The following GRIN2A variants were observed in gnomAD, a reference collection of about 807,000 sequenced individuals.
GRIN2A encodes glutamate ionotropic receptor NMDA type subunit 2A.
GRIN2A carries 22 observed loss-of-function variants against 113.4 expected under a neutral mutation model. The ratio of observed to expected loss-of-function variants is 0.19; its 90% CI spans 0.14 to 0.28. The LOEUF (loss-of-function observed/expected upper bound fraction) is 0.28, where lower values mean the gene tolerates loss of function less well. Among genes scored for constraint, GRIN2A ranks in the 10% least tolerant of loss-of-function variants. GRIN2A has a pLI of 1.00. For missense variants in GRIN2A, 1,502 were observed against 1,887.0 expected (o/e 0.80, Z 3.78); for synonymous variants, 827 against 738.4 (o/e 1.12, Z -1.94).
At chr16:10,120,272 C>T (rs2048808660) in intron 2 of GRIN2A, among the ~76,000 whole-genome samples, 1 of 152,166 alleles carries the variant, frequency 6.6e-6, no homozygotes, top group Admixed American at 6.5e-5. Context: ...CTGCTACCTG[C>T]ATTTAGTGGG....
At chr16:9,816,877 T>A (rs959724084) in intron 10 of GRIN2A, among the ~76,000 whole-genome samples, 1 of 152,204 alleles carries the variant, frequency 6.6e-6, no homozygotes, top group Admixed American at 6.5e-5. Flanking sequence ...ACTCAGGCTA[T>A]GCTTGAGAAG....
chr16:10,113,874 G>A (rs977558455), intron 2 of GRIN2A, among the ~76,000 whole-genome samples: 1 of 152,144 alleles, frequency 6.6e-6, no homozygotes, highest in East Asian at 1.9e-4. Flanking sequence ...ACTATTTCAT[G>A]ACCTTGAGGA....
intron 9 of GRIN2A, among the ~76,000 whole-genome samples, chr16:9,829,053 C>A (rs2042438978): frequency 6.6e-6 from 1 of 152,130 alleles, no homozygotes; most frequent in Non-Finnish European, 1.5e-5. Flanking sequence ...ACCCCAATTT[C>A]TTCTCATCCA....
At chr16:10,111,566 A>G (rs2048614943) in intron 2 of GRIN2A, 4 of 839,158 alleles carry the variant, frequency 4.8e-6, no homozygotes, top group African/African-American at 1.7e-5. Context: ...ATCATGCTGA[A>G]GACACCACTG....
At chr16:10,104,303 C>T (rs9924590) in intron 2 of GRIN2A, among the ~76,000 whole-genome samples, 61,561 of 151,952 alleles carry the variant, frequency 0.41, 12,623 homozygotes, top group East Asian at 0.46. Context: ...TGGATATGAA[C>T]ACTATGTAGA....
rs1341155416 is a variant in GRIN2A, at chr16:9,887,596, TTC to T, written c.1122+3388_1122+3389del. On this transcript the variant is annotated intron_variant, in intron 4 of 12. Transcript: ENST00000330684. ...TCCTTGTTGATGGACATTGAATTAT[TTC>T]TGATGTTTTGCTATAATGAATAAAG... Among the ~76,000 whole-genome samples the T allele has an allele frequency of 8.5e-5, 13 of 152,376 alleles. No homozygotes were observed. The South Asian group carries it at 2.3e-3, about 27-fold the overall frequency.
intron 2 of GRIN2A, among the ~76,000 whole-genome samples, chr16:10,104,413 C>G (rs117708020): frequency 2.0e-4 from 31 of 152,016 alleles, no homozygotes; most frequent in African/African-American, 7.0e-4. Flanking sequence ...TGGAGGAGGA[C>G]CAGTTTGAAG....
chr16:9,960,051 G>A (rs1596364044), intron 2 of GRIN2A, among the ~76,000 whole-genome samples: 1 of 152,202 alleles, frequency 6.6e-6, no homozygotes, highest in African/African-American at 2.4e-5. Context: ...CAATATTAAA[G>A]GCAGAGATGA....
At chr16:10,092,031 T>C (rs936536988) in intron 2 of GRIN2A, among the ~76,000 whole-genome samples, 2 of 152,200 alleles carry the variant, frequency 1.3e-5, no homozygotes, top group Admixed American at 6.5e-5. Context: ...TATATATCAA[T>C]AAAGGTATTA....
rs1229886045 is a variant in GRIN2A, at chr16:9,863,263, A to G, written c.1123-13302T>C. ...ATTAATAATTAGCACCATGCAGCAC[A>G]GTGATGTCCTGAGAGTTGGAGAAGC... On this transcript the variant is annotated intron_variant, in intron 4 of 12. Transcript: ENST00000330684. Among the ~76,000 whole-genome samples, 5 of 152,210 alleles carry G rather than the reference A, an allele frequency of 3.3e-5. No individual in the cohort carries two copies. In the East Asian group the frequency reaches 9.6e-4, roughly 29 times the overall value.
intron 4 of GRIN2A, among the ~76,000 whole-genome samples, chr16:9,854,122 G>A (rs2042929202): frequency 1.3e-5 from 2 of 152,140 alleles, no homozygotes; most frequent in Admixed American, 1.3e-4. Flanking sequence ...GTTTTTGGTG[G>A]AGTGAATAAA....
chr16:9,798,481 C>A lies in GRIN2A; in HGVS notation c.2169-17G>T. ...TCCAGCTTCCTGAAATGACAAGAAA[C>A]CAGGGGGTCATAGGGGTGGCCAGGT... On this transcript the variant is annotated splice_polypyrimidine_tract_variant and intron_variant, in intron 10 of 12. Coordinates refer to ENST00000330684, the MANE Select transcript of GRIN2A (RefSeq NM_001134407.3). The A allele has an allele frequency of 6.2e-7, 1 of 1,612,780 alleles. No individual in the cohort carries two copies. Among genetic ancestry groups the A allele is most frequent in the African/African-American group, 1.3e-5 (1 of 74,988 alleles).
chr16:10,106,416 A>T (rs554102261), intron 2 of GRIN2A, among the ~76,000 whole-genome samples: 15 of 152,120 alleles, frequency 9.9e-5, no homozygotes, highest in African/African-American at 3.1e-4. Context: ...GTTTTAATTT[A>T]AAAAAATTTA....
At chr16:10,149,249 A>T (rs1052026562) in intron 2 of GRIN2A, among the ~76,000 whole-genome samples, 1 of 152,264 alleles carries the variant, frequency 6.6e-6, no homozygotes, top group African/African-American at 2.4e-5. Flanking sequence ...CACACAAAGG[A>T]CAAATGCTTG....
intron 2 of GRIN2A, among the ~76,000 whole-genome samples, chr16:10,091,298 C>T (rs1285994645): frequency 1.3e-5 from 2 of 152,202 alleles, no homozygotes; most frequent in South Asian, 2.1e-4. Context: ...AACCCAAATA[C>T]CCATGAGCTG....
At position 10,055,064 on chromosome 16, in the gene GRIN2A, AAAAAAAAAAAAAAAAAAAAAAGAAAAAAG is replaced by A. The variant is rs1567266337; in HGVS notation, c.415-116542_415-116514del. Among the ~76,000 whole-genome samples, 256 of 82,278 alleles carry A rather than the reference AAAAAAAAAAAAAAAAAAAAAAGAAAAAAG, an allele frequency of 3.1e-3. 16 individuals carry two copies. Among genetic ancestry groups the A allele is most frequent in the African/African-American group, 0.012 (202 of 17,506 alleles). 54.0% of individuals were successfully genotyped at this position (82,278 alleles called of 152,430 possible). A position where few individuals can be genotyped will look rare whatever the true frequency, so the allele number is the denominator to read the frequency against. ...CTCTATCTCAAAAAAAAAAAAAAAAAAAAAAAAAAAAAAAAAAAAAAGAAAAAAGAAAGAAAGAAAGAAAAAAGAAAAAA... is the reference window on the plus strand; with the variant it reads ...CTCTATCTCAAAAAAAAAAAAAAAAAAAAGAAAGAAAGAAAAAAGAAAAAA... On this transcript the variant is annotated intron_variant, in intron 2 of 12. Transcript: ENST00000330684.
At chr16:10,113,326 G>A (rs374158048) in intron 2 of GRIN2A, among the ~76,000 whole-genome samples, 2 of 152,150 alleles carry the variant, frequency 1.3e-5, no homozygotes, top group East Asian at 1.9e-4. Flanking sequence ...GCACTTCTGA[G>A]CTCCTGACCT....
At chr16:10,179,120 T>C (rs1172275278) in intron 2 of GRIN2A, among the ~76,000 whole-genome samples, 1 of 152,182 alleles carries the variant, frequency 6.6e-6, no homozygotes, top group Non-Finnish European at 1.5e-5. Context: ...CTCTCCCTTC[T>C]TCTCCAAACC....
intron 2 of GRIN2A, among the ~76,000 whole-genome samples, chr16:10,164,845 G>T (rs941641397): frequency 6.6e-6 from 1 of 152,322 alleles, no homozygotes; most frequent in African/African-American, 2.4e-5. Context: ...CATGGCAGGT[G>T]TCTTAAAAGA....
Sources: gnomAD v4.1 joint callset for allele counts (sites outside exome capture counted in the v4.1 genomes callset) on GRCh38, gnomAD v4.1.1 for gene constraint, MANE v1.5 for transcripts, NCBI Gene and HGNC (gene_info 2026-07-23, HGNC 2026-07-21) for gene names.